Variants in SORCS1 observed in about 807,000 individuals in gnomAD.
The protein encoded by SORCS1 is sortilin related VPS10 domain containing receptor 1, also known as VPS10 domain-containing receptor SorCS1.
Under a neutral mutation model 146.1 loss-of-function variants are expected in SORCS1, and 60 were observed. The observed-to-expected ratio is 0.41, with a 90% CI of 0.33 to 0.51. SORCS1 has a LOEUF of 0.51. Among genes scored for constraint, SORCS1 ranks in the 20% least tolerant of loss-of-function variants. The pLI is 0.21. For synonymous variants in SORCS1, 637 were observed against 584.0 expected (o/e 1.09, Z -1.31); for missense variants, 1,352 against 1,487.6 (o/e 0.91, Z 1.50).
chr10:106,763,637 C>T (rs1218331409), intron 4 of SORCS1, among the ~76,000 whole-genome samples: 1 of 152,166 alleles, frequency 6.6e-6, no homozygotes, highest in Non-Finnish European at 1.5e-5. Flanking sequence ...TCTTCAACAC[C>T]AGTCTTGTTT....
At position 106,597,362 on chromosome 10, in the gene SORCS1, T is replaced by C. The variant is rs1399251902; in HGVS notation, c.3254A>G (p.His1085Arg). 6.2e-7 allele frequency: 1 copy of C among 1,613,942 alleles called. No individual in the cohort carries two copies. The highest frequency in any genetic ancestry group is 2.2e-5 in the East Asian group (1 of 44,870). Reference sequence around the variant, plus strand: ...ACATGGACACTGACCCGCTGTTAAGTGAGCAGCATGGACAAGGACTCGGAC... The same window carrying C: ...ACATGGACACTGACCCGCTGTTAAGCGAGCAGCATGGACAAGGACTCGGAC... ...PGVRVLVHAA[H>R]LTAAPLVDLT... Residue 1085 changes from histidine (H) to arginine (R), a missense_variant, in exon 24 of 26, where the codon CAC becomes CGC. Transcript: ENST00000263054.
At chr10:107,155,676 C>T (rs569119205) in intron 1 of SORCS1, among the ~76,000 whole-genome samples, 5 of 152,206 alleles carry the variant, frequency 3.3e-5, no homozygotes, top group African/African-American at 1.2e-4. Context: ...TTTTAATCTG[C>T]CCCACCGACC....
intron 1 of SORCS1, among the ~76,000 whole-genome samples, chr10:107,008,027 GTTAA>G (rs1957529648): frequency 6.8e-6 from 1 of 147,528 alleles, no homozygotes; most frequent in African/African-American, 2.7e-5. Flanking sequence ...TCTATTGTAG[GTTAA>G]TTATTCACAT....
chr10:107,047,494 G>GT (rs2134026982), intron 1 of SORCS1, among the ~76,000 whole-genome samples: 1 of 152,216 alleles, frequency 6.6e-6, no homozygotes. Context: ...ATTAGGCATG[G>GT]TATCTATTTT....
At chr10:106,866,192 T>G (rs1257726742) in intron 2 of SORCS1, among the ~76,000 whole-genome samples, 5 of 152,104 alleles carry the variant, frequency 3.3e-5, no homozygotes, top group African/African-American at 1.2e-4. Context: ...GACTCTGCAG[T>G]GGAACTGCCC....
intron 1 of SORCS1, among the ~76,000 whole-genome samples, chr10:107,124,358 G>C (rs1008885454): frequency 4.6e-5 from 7 of 152,114 alleles, no homozygotes; most frequent in African/African-American, 1.7e-4. Context: ...TTTAAGTCTT[G>C]TTCCCTTTGC....
At chr10:106,863,003 A>G (rs952207962) in intron 2 of SORCS1, among the ~76,000 whole-genome samples, 3 of 152,138 alleles carry the variant, frequency 2.0e-5, no homozygotes, top group Non-Finnish European at 4.4e-5. Context: ...TGTAAAGTCT[A>G]TCCATTTTAG....
chr10:107,110,554 C>G (rs1565057307), intron 1 of SORCS1, among the ~76,000 whole-genome samples: 1 of 152,022 alleles, frequency 6.6e-6, no homozygotes, highest in Non-Finnish European at 1.5e-5. Flanking sequence ...AGAACTCACT[C>G]ATTATCACAA....
At chr10:107,029,968 CAG>C (rs1958577026) in intron 1 of SORCS1, among the ~76,000 whole-genome samples, 2 of 152,250 alleles carry the variant, frequency 1.3e-5, no homozygotes, top group South Asian at 2.1e-4. Context: ...GTTTGGAAGG[CAG>C]AGAGTGGAAA....
intron 18 of SORCS1, among the ~76,000 whole-genome samples, chr10:106,641,024 G>T (rs1264515555): frequency 6.6e-6 from 1 of 152,208 alleles, no homozygotes; most frequent in Non-Finnish European, 1.5e-5. Flanking sequence ...CTGCCACAGT[G>T]AGTCTGGGAT....
intron 1 of SORCS1, among the ~76,000 whole-genome samples, chr10:107,141,512 T>C (rs898895155): frequency 6.6e-6 from 1 of 152,186 alleles, no homozygotes; most frequent in African/African-American, 2.4e-5. Context: ...TCTGGGGCAG[T>C]GCTCAGATCA....
At chr10:106,611,357 GATA>G (rs1262656822) in intron 22 of SORCS1, among the ~76,000 whole-genome samples, 6 of 152,124 alleles carry the variant, frequency 3.9e-5, no homozygotes, top group Non-Finnish European at 8.8e-5. Flanking sequence ...ACAAAGTGTG[GATA>G]ATAATTCCTT....
chr10:106,609,906 T>C (rs778889245), intron 22 of SORCS1, among the ~76,000 whole-genome samples: 2 of 152,186 alleles, frequency 1.3e-5, no homozygotes, highest in Non-Finnish European at 1.5e-5. Context: ...AGAGGACCTA[T>C]GGGGACACAG....
chr10:107,032,833 C>T (rs1958724509), intron 1 of SORCS1, among the ~76,000 whole-genome samples: 2 of 152,158 alleles, frequency 1.3e-5, no homozygotes, highest in African/African-American at 4.8e-5. Flanking sequence ...ACTTAAACTA[C>T]ATGATACCCT....
intron 1 of SORCS1, among the ~76,000 whole-genome samples, chr10:107,044,427 T>TA (rs1217468683): frequency 2.1e-5 from 3 of 142,438 alleles, no homozygotes; most frequent in African/African-American, 5.3e-5. Context: ...GCCCTGATTT[T>TA]AAAAAAACAA....
chr10:107,026,615 C>CAA (rs78098595), intron 1 of SORCS1, among the ~76,000 whole-genome samples: 3 of 92,748 alleles, frequency 3.2e-5, no homozygotes, highest in African/African-American at 7.9e-5. Context: ...GAGATGCCAT[C>CAA]AAAAAAAAAA....
intron 4 of SORCS1, among the ~76,000 whole-genome samples, chr10:106,767,616 T>C (rs1380807081): frequency 6.6e-6 from 1 of 152,058 alleles, no homozygotes; most frequent in Non-Finnish European, 1.5e-5. Context: ...AGCCTCCCCA[T>C]TAGCTAGGAT....
rs193047553 is a variant in SORCS1, at chr10:106,916,216, A to C, written c.626+40297T>G. The stretch of plus-strand genomic sequence containing the variant: ...TTTTAGTGCATTCTCTTTCACTAAA[A>C]TGTAAACATTCTGAGAGCTGAAATC... On this transcript the variant is annotated intron_variant, in intron 2 of 25. Transcript: ENST00000263054. 2.6e-4 allele frequency among the ~76,000 whole-genome samples: 39 copies of C among 152,314 alleles called. No homozygotes were observed. In the East Asian group the frequency reaches 6.6e-3, roughly 26 times the overall value.
At position 107,112,493 on chromosome 10, in the gene SORCS1, C is replaced by T. The variant is rs376112869; in HGVS notation, c.558+51476G>A. 2.7e-4 allele frequency among the ~76,000 whole-genome samples: 41 copies of T among 151,794 alleles called. No homozygotes were observed. The East Asian group carries it at 6.4e-3, about 24-fold the overall frequency. ...GTGGAAGAAAGAAACAAAGGAACTA[C>T]AAAATTGTAGACAATTAAAAAAATG... On this transcript the variant is annotated intron_variant, in intron 1 of 25. Coordinates refer to ENST00000263054, the MANE Select transcript of SORCS1 (RefSeq NM_052918.5).
Sources: gnomAD v4.1 joint callset for allele counts (sites outside exome capture counted in the v4.1 genomes callset) on GRCh38, gnomAD v4.1.1 for gene constraint, MANE v1.5 for transcripts, NCBI Gene and HGNC (gene_info 2026-07-23, HGNC 2026-07-21) for gene names.